SEC16B: variants seen among roughly 807,000 people sequenced by gnomAD.
SEC16B encodes SEC16 homolog B, endoplasmic reticulum export factor.
Under a neutral mutation model 141.8 loss-of-function variants are expected in SEC16B, and 115 were observed. The ratio of observed to expected loss-of-function variants is 0.81; its 90% CI spans 0.70 to 0.95. The LOEUF (loss-of-function observed/expected upper bound fraction) is 0.95, where lower values mean the gene tolerates loss of function less well. SEC16B is among the 40% of genes least tolerant of loss of function. The probability of loss-of-function intolerance (pLI) is 0.00; values close to 1 mark genes in which losing one functional copy is unlikely to be tolerated. For missense variants in SEC16B, 1,291 were observed against 1,312.3 expected, an observed-to-expected ratio of 0.98 and a Z score of 0.25; for synonymous variants, 493 against 492.5, an observed-to-expected ratio of 1.00 and a Z score of -0.01.
chr1:177,935,049 G>A (rs543272260), intron 20 of SEC16B, among the ~76,000 whole-genome samples: 6 of 152,070 alleles, frequency 3.9e-5, no homozygotes, highest in Admixed American at 1.3e-4. Flanking sequence ...CCACTGCAGG[G>A]CCTCCAGTCC....
intron 11 of SEC16B, among the ~76,000 whole-genome samples, chr1:177,952,437 C>T (rs1382601364): frequency 1.3e-5 from 2 of 152,112 alleles, no homozygotes; most frequent in African/African-American, 2.4e-5. Context: ...CACTCAGTGC[C>T]GTTTTTCTGG....
At chr1:177,968,368 C>T (rs1653721834) in intron 1 of SEC16B, among the ~76,000 whole-genome samples, 1 of 152,132 alleles carries the variant, frequency 6.6e-6, no homozygotes, top group African/African-American at 2.4e-5. Flanking sequence ...ACATATTCCC[C>T]CAGCAAGTGT....
rs1028857564 is a variant in SEC16B at position 177,951,973 on chromosome 1, T to A, written c.1486A>T (p.Asn496Tyr). Residue 496 changes from asparagine to tyrosine, a missense_variant, in exon 12 of 26, where the codon AAT becomes TAT. Coordinates refer to ENST00000308284, the MANE Select transcript of SEC16B (RefSeq NM_033127.4). The part of the protein sequence containing the change: ...MSGFTSTLAL[N>Y]DPLQTLFQLM... ...TGGAAGAGGGTCTGCAGTGGGTCAT[T>A]GAGCGCCAGCGTGCTGGTGAAGCTG... is the stretch of plus-strand genomic sequence containing the variant. 1.2e-5 allele frequency: 19 copies of A among 1,605,550 alleles called. No individual in the cohort carries two copies. The highest frequency in any genetic ancestry group is 2.7e-5 in the African/African-American group (2 of 74,734).
intron 10 of SEC16B, 38 bp from the exon 11 acceptor site, chr1:177,954,414 C>T (rs1652440744): frequency 4.0e-6 from 6 of 1,503,482 alleles, no homozygotes; most frequent in Non-Finnish European, 4.5e-6. Context: ...GTGCCTTTCC[C>T]ACCTTCCACT....
intron 10 of SEC16B, 95 bp downstream of exon 10, chr1:177,958,037 A>G: frequency 1.3e-6 from 1 of 795,574 alleles, no homozygotes. Flanking sequence ...CCCTGAAATG[A>G]GTATATACTA....
At chr1:177,953,306 G>C (rs1652348799) in intron 11 of SEC16B, among the ~76,000 whole-genome samples, 1 of 152,130 alleles carries the variant, frequency 6.6e-6, no homozygotes, top group Non-Finnish European at 1.5e-5. Flanking sequence ...ACACCCAGTG[G>C]AAGTGTCATC....
At chr1:177,973,310 C>T (rs969463848), upstream of SEC16B, 1 of 152,158 alleles carries the variant, frequency 6.6e-6, no homozygotes, top group African/African-American at 2.4e-5. Flanking sequence ...TAATCCTTTA[C>T]TGAAAGTAAA....
intron 10 of SEC16B, among the ~76,000 whole-genome samples, chr1:177,955,590 C>T (rs1229177608): frequency 2.6e-5 from 4 of 152,128 alleles, no homozygotes; most frequent in African/African-American, 7.2e-5. Flanking sequence ...TCAAGTGATC[C>T]GCCCACCTCC....
chr1:177,932,611 T>C, intron 23 of SEC16B, 42 bp from the exon 24 acceptor site: 1 of 1,507,214 alleles, frequency 6.6e-7, no homozygotes, highest in Non-Finnish European at 8.9e-7. Flanking sequence ...TGCTCAGGAC[T>C]GGGGGTCCCC....
intron 21 of SEC16B, 25 bp downstream of exon 21, chr1:177,933,459 G>A (rs981128711): frequency 5.6e-6 from 9 of 1,607,462 alleles, no homozygotes; most frequent in African/African-American, 1.3e-5. Flanking sequence ...AGGAAGGCAG[G>A]GGAGAGAAGA....
chr1:177,975,062 G>A (rs1471264095), upstream of SEC16B, among the ~76,000 whole-genome samples: 1 of 152,186 alleles, frequency 6.6e-6, no homozygotes, highest in Non-Finnish European at 1.5e-5. Context: ...GCCACCTCTA[G>A]GGTGAGAATT....
At chr1:177,936,387 A>G in intron 19 of SEC16B, 22 bp from the exon 20 acceptor site, 1 of 1,592,502 alleles carries the variant, frequency 6.3e-7, no homozygotes, top group Non-Finnish European at 8.6e-7. Flanking sequence ...ACAGAAATGG[A>G]AATAGCAATT....
chr1:177,950,142 T>C (rs544182379), intron 12 of SEC16B, among the ~76,000 whole-genome samples: 2 of 92,798 alleles, frequency 2.2e-5, no homozygotes, highest in South Asian at 3.0e-4. Context: ...CCACAAGCCA[T>C]AAGAAGGATA....
intron 1 of SEC16B, among the ~76,000 whole-genome samples, chr1:177,980,753 C>T (rs7517442): frequency 0.14 from 20,146 of 141,776 alleles, 1,710 homozygotes; most frequent in East Asian, 0.42. Context: ...GAGAAGGTTT[C>T]TCTGCGAAAA....
chr1:177,959,922 G>A (rs1321662353), intron 8 of SEC16B: 1 of 209,000 alleles, frequency 4.8e-6, no homozygotes, highest in Non-Finnish European at 9.7e-6. Context: ...ACACTGTTCT[G>A]TAACTTGAAC....
intron 12 of SEC16B, among the ~76,000 whole-genome samples, chr1:177,949,739 G>T (rs1652025103): frequency 6.6e-6 from 1 of 152,054 alleles, no homozygotes; most frequent in African/African-American, 2.4e-5. Context: ...TAGAGTCCAG[G>T]TTAAACTTGT....
upstream of SEC16B, among the ~76,000 whole-genome samples, chr1:177,972,543 T>C (rs1654002266): frequency 6.6e-6 from 1 of 152,180 alleles, no homozygotes; most frequent in South Asian, 2.1e-4. Flanking sequence ...CTTCACATCA[T>C]CCTGCCCCAA....
intron 18 of SEC16B, 74 bp downstream of exon 18, chr1:177,939,628 A>T: frequency 7.7e-7 from 1 of 1,295,222 alleles, no homozygotes; most frequent in Non-Finnish European, 1.1e-6. Flanking sequence ...GAGTGCTTTC[A>T]TAAATTACTT....
chr1:177,946,082 GCCT>G (rs1651680015), intron 14 of SEC16B: 7 of 553,868 alleles, frequency 1.3e-5, no homozygotes, highest in Non-Finnish European at 2.2e-5. Flanking sequence ...GGACCCACAA[GCCT>G]CCACATGTAA....
Sources: gnomAD v4.1 joint callset for allele counts (sites outside exome capture counted in the v4.1 genomes callset) on GRCh38, gnomAD v4.1.1 for gene constraint, MANE v1.5 for transcripts, NCBI Gene and HGNC (gene_info 2026-07-23, HGNC 2026-07-21) for gene names.